ADAR: variants seen among roughly 807,000 people sequenced by gnomAD.
ADAR encodes the protein double-stranded RNA-specific adenosine deaminase.
A neutral mutation model predicts 113.2 loss-of-function variants in ADAR; 41 were observed. The ratio of observed to expected loss-of-function variants is 0.36; its 90% CI spans 0.28 to 0.47. The LOEUF (loss-of-function observed/expected upper bound fraction) is 0.47, where lower values mean the gene tolerates loss of function less well. ADAR is among the 20% of genes least tolerant of loss of function. The pLI, the probability that ADAR is intolerant of heterozygous loss-of-function variation, is 1.00. For missense variants in ADAR, 1,242 were observed against 1,540.9 expected, an observed-to-expected ratio of 0.81 and a Z score of 3.25; for synonymous variants, 605 against 572.6, an observed-to-expected ratio of 1.06 and a Z score of -0.81.
chr1:154,601,546 T>C lies in ADAR; in HGVS notation c.1096A>G (p.Lys366Glu). The C allele has an allele frequency of 6.2e-7, 1 of 1,613,122 alleles. No homozygotes were observed. Among genetic ancestry groups the C allele is most frequent in the Non-Finnish European group, 8.5e-7 (1 of 1,180,030 alleles). ...TDKKRERMQI[K>E]RNTNSVPETA... ...TCAGGAACACTGTTCGTATTTCTCT[T>C]GATTTGCATCCTCTCTCGCTTCTTG... The change falls in exon 2 of 15, where the codon AAG becomes GAG. Residue 366 changes from lysine to glutamate, a missense_variant. Coordinates refer to ENST00000368474, the MANE Select transcript of ADAR (RefSeq NM_001111.5). The surrounding 1 kb of genome is among the most constrained non-coding windows in gnomAD (Gnocchi z 4.7).
chr1:154,585,601 A>G, intron 13 of ADAR, 152 bp downstream of exon 13: 2 of 866,806 alleles, frequency 2.3e-6, no homozygotes, highest in Non-Finnish European at 3.7e-6. Flanking sequence ...AGACCAACCA[A>G]TGTTGGTGGT....
chr1:154,603,196 T>C (rs1208968994), intron 1 of ADAR, among the ~76,000 whole-genome samples: 3 of 152,082 alleles, frequency 2.0e-5, no homozygotes, highest in Non-Finnish European at 4.4e-5. Context: ...AGAAATGTGA[T>C]TGGATGAAAC....
At chr1:154,616,275 A>G (rs532748560) in intron 1 of ADAR, among the ~76,000 whole-genome samples, 1 of 152,322 alleles carries the variant, frequency 6.6e-6, no homozygotes, top group African/African-American at 2.4e-5. Flanking sequence ...ATGGCTTCCT[A>G]ATGCTCTTAA....
intron 1 of ADAR, among the ~76,000 whole-genome samples, chr1:154,613,604 A>G (rs780142375): frequency 5.8e-4 from 88 of 152,106 alleles, no homozygotes; most frequent in Non-Finnish European, 9.6e-4. Context: ...TTTTGAAGTT[A>G]CAAGAAAGCA....
At chr1:154,619,565 G>C (rs1355405025) in intron 1 of ADAR, among the ~76,000 whole-genome samples, 1 of 152,094 alleles carries the variant, frequency 6.6e-6, no homozygotes, top group East Asian at 1.9e-4. Flanking sequence ...TAATTTTTAA[G>C]TTCTTTTTAA....
In ADAR at chr1:154,596,870, G is replaced by A. The variant is rs1697533791; in HGVS notation, c.2205C>T (p.Ala735=). 1 of 1,614,122 alleles carries A rather than the reference G, an allele frequency of 6.2e-7. No homozygotes were observed. The highest frequency in any genetic ancestry group is 1.7e-5 in the Admixed American group (1 of 60,010). The part of the protein sequence containing the change: ...TNPVGGLLEY[A]RSHGFAAEFK... ...ATTCAGCAGCAAAGCCATGGGAGCG[G>A]GCGTACTCCAAAAGGCCACCCACAG... Residue 735 remains alanine, a synonymous_variant, in exon 6 of 15, where the codon GCC becomes GCT. Coordinates refer to ENST00000368474, the MANE Select transcript of ADAR (RefSeq NM_001111.5).
Position 154,597,241 on chromosome 1 carries a change from G to A in ADAR, c.1961C>T (p.Ala654Val). The A allele has an allele frequency of 1.2e-6, 2 of 1,614,138 alleles. No homozygotes were observed. The highest frequency in any genetic ancestry group is 8.5e-7 in the Non-Finnish European group (1 of 1,180,022). Reference protein sequence around the residue: ...PKFQYCVAVGAQTFPSVSAPS... With the variant: ...PKFQYCVAVGVQTFPSVSAPS... Reference sequence around the variant, plus strand: ...AGCACTCACACTGGGGAAAGTTTGGGCTCCCACTGCAACACAGTATTGGAA... The same window carrying A: ...AGCACTCACACTGGGGAAAGTTTGGACTCCCACTGCAACACAGTATTGGAA... Residue 654 changes from alanine to valine, a missense_variant, in exon 5 of 15, where the codon GCC (alanine) becomes GTC (valine). Coordinates refer to ENST00000368474, the MANE Select transcript of ADAR (RefSeq NM_001111.5).
chr1:154,626,621 C>G (rs2101708908), intron 1 of ADAR, among the ~76,000 whole-genome samples: 1 of 152,308 alleles, frequency 6.6e-6, no homozygotes, highest in Admixed American at 6.5e-5. Context: ...GGAGCAAGTC[C>G]AAGCTCCTGG....
chr1:154,605,090 T>A (rs150839064), intron 1 of ADAR, among the ~76,000 whole-genome samples: 2 of 152,312 alleles, frequency 1.3e-5, no homozygotes, highest in African/African-American at 4.8e-5. Flanking sequence ...CCTGGCCTCA[T>A]CTCCTGGATC....
chr1:154,627,526 TTGGGCCTTTGGTACCCAGCTGC>T (rs1165768106), intron 1 of ADAR, among the ~76,000 whole-genome samples: 1 of 151,972 alleles, frequency 6.6e-6, no homozygotes, highest in Non-Finnish European at 1.5e-5. Flanking sequence ...TACCCAGCTG[TTGGGCCTTTGGTACCCAGCTGC>T]TGGGCTCCGG....
chr1:154,588,455 G>C (rs550687350), intron 10 of ADAR, 96 bp downstream of exon 10: 5 of 1,562,950 alleles, frequency 3.2e-6, no homozygotes, highest in South Asian at 1.1e-5. Context: ...GTGGCTTATT[G>C]TATCAGGTTC....
chr1:154,586,504 G>A, intron 11 of ADAR, 141 bp from the exon 12 acceptor site: 1 of 892,998 alleles, frequency 1.1e-6, no homozygotes, highest in Non-Finnish European at 1.8e-6. Flanking sequence ...CTATGCGCCA[G>A]GCACTATGCT....
Position 154,608,183 on chromosome 1 carries a change from G to T in ADAR, c.-177C>A. 2.8e-6 allele frequency: 2 copies of T among 721,428 alleles called. No individual in the cohort carries two copies. Among genetic ancestry groups the T allele is most frequent in the Non-Finnish European group, 4.2e-6 (2 of 475,350 alleles). 44.7% of individuals were successfully genotyped at this position (721,428 alleles called of 1,614,324 possible). Reference sequence around the variant, plus strand: ...GCGCGCCGGGCCCAAGATGGCTCCGGTTCAATTTCGCTTTCGTTTCCTCGG... The same window carrying T: ...GCGCGCCGGGCCCAAGATGGCTCCGTTTCAATTTCGCTTTCGTTTCCTCGG... On this transcript the variant is annotated 5_prime_UTR_variant, in exon 1 of 15. Transcript: ENST00000368474.
chr1:154,594,729 C>T (rs557568568), intron 6 of ADAR, among the ~76,000 whole-genome samples: 66 of 152,306 alleles, frequency 4.3e-4, no homozygotes, highest in African/African-American at 1.4e-3. Flanking sequence ...ATCTTGCAGC[C>T]ACCCAAGACA....
intron 1 of ADAR, among the ~76,000 whole-genome samples, chr1:154,622,084 C>A (rs1698804093): frequency 1.3e-5 from 2 of 152,122 alleles, no homozygotes; most frequent in Admixed American, 1.3e-4. Flanking sequence ...TAGGCCCTCC[C>A]TGGGAGAGGG....
upstream of ADAR, among the ~76,000 whole-genome samples, chr1:154,608,492 C>CT (rs67463447): frequency 0.4 from 26,110 of 65,114 alleles, 5,815 homozygotes; most frequent in South Asian, 0.56. Flanking sequence ...TCACTCCTGG[C>CT]TTTTTTTTTT....
Position 154,606,285 on chromosome 1 carries a change from G to T in ADAR, c.15+1707C>A, listed in dbSNP as rs2101660337. On this transcript the variant is annotated intron_variant, in intron 1 of 14. Coordinates refer to ENST00000368474, the MANE Select transcript of ADAR (RefSeq NM_001111.5). ...TCGATCTCCTGATCCGCCCTCCTCG[G>T]CCTCCCAAAGTGCTGGGATTACAGG... Among the ~76,000 whole-genome samples, 2 of 152,032 alleles carry T rather than the reference G, an allele frequency of 1.3e-5. 1 individual carries two copies. The highest frequency in any genetic ancestry group is 1.3e-4 in the Admixed American group (2 of 15,276).
At chr1:154,586,469 T>G in intron 11 of ADAR, 106 bp from the exon 12 acceptor site, 1 of 1,180,296 alleles carries the variant, frequency 8.5e-7, no homozygotes, top group Non-Finnish European at 1.2e-6. Flanking sequence ...CATTCATTCA[T>G]TCTTCACATA....
rs977823648 is a variant in ADAR at position 154,600,965 on chromosome 1, C to CA, written c.1601+75dup. 3.8e-6 allele frequency: 6 copies of CA among 1,599,048 alleles called. No homozygotes were observed. The African/African-American group carries it at 8.0e-5, about 21-fold the overall frequency. Reference sequence around the variant, plus strand: ...AGGCGCCACCAAACAGCACTGCTCACAAATCAGCCAAGACTGCGTCAGGAG... The same window carrying CA: ...AGGCGCCACCAAACAGCACTGCTCACAAAATCAGCCAAGACTGCGTCAGGAG... On this transcript the variant is annotated intron_variant, in intron 2 of 14. Transcript: ENST00000368474.
Sources: gnomAD v4.1 joint callset for allele counts (sites outside exome capture counted in the v4.1 genomes callset) on GRCh38, gnomAD v4.1.1 for gene constraint, Gnocchi (gnomAD v3.1) non-coding constraint, MANE v1.5 for transcripts, NCBI Gene and HGNC (gene_info 2026-07-23, HGNC 2026-07-21) for gene names.